FAM229A: variants seen among roughly 807,000 people sequenced by gnomAD.
The protein encoded by FAM229A is family with sequence similarity 229 member A, also known as protein FAM229A.
Under a neutral mutation model 10.0 loss-of-function variants are expected in FAM229A, and 9 were observed. The ratio of observed to expected loss-of-function variants is 0.90; its 90% CI spans 0.54 to 1.56. The LOEUF (loss-of-function observed/expected upper bound fraction) is 1.56. Among genes scored for constraint, FAM229A ranks in the 40% most tolerant of loss-of-function variants. FAM229A has a pLI of 0.00. For missense variants in FAM229A, 196 were observed against 197.6 expected (o/e 0.99, Z 0.05); for synonymous variants, 93 against 90.1 (o/e 1.03, Z -0.19).
intron 2 of FAM229A, 85 bp downstream of exon 2, chr1:32,361,645 G>A (rs1641703797): frequency 1.6e-6 from 2 of 1,252,270 alleles, no homozygotes; most frequent in South Asian, 2.5e-5. Flanking sequence ...ACGTGGATGC[G>A]GGGTCCTGAC....
chr1:32,361,881 G>A lies in FAM229A; in HGVS notation c.135-5C>T. 1 of 1,344,792 alleles carries A rather than the reference G, an allele frequency of 7.4e-7. No homozygotes were observed. The highest frequency in any genetic ancestry group is 9.5e-7 in the Non-Finnish European group (1 of 1,052,686). The allele number at this position is 1,344,792 out of a possible 1,614,324, so 83.3% of individuals were successfully genotyped here. ...ATGTCCAAGCCCCGGGGCGCTCTGC[G>A]CGGGGAGTGGCGGTCAGGCCTCTCC... On this transcript the variant is annotated splice_region_variant and splice_polypyrimidine_tract_variant and intron_variant, in intron 1 of 2. Coordinates refer to ENST00000432622, the MANE Select transcript of FAM229A (RefSeq NM_001167676.2).
chr1:32,361,711 G>A lies in FAM229A; in HGVS notation c.281+19C>T, dbSNP rs1641705055. 6.2e-6 allele frequency: 8 copies of A among 1,297,424 alleles called. No homozygotes were observed. The Admixed American group carries it at 3.3e-4, about 54-fold the overall frequency. The allele number at this position is 1,297,424 out of a possible 1,614,324, so 80.4% of individuals were successfully genotyped here. A position where few individuals can be genotyped will look rare whatever the true frequency, so the allele number is the denominator to read the frequency against. Reference sequence around the variant, plus strand: ...GGGCCGCGGGACGGGCGGAGGCGGGGGTGGGGCGCGGGCCTTACCTGACCG... The same window carrying A: ...GGGCCGCGGGACGGGCGGAGGCGGGAGTGGGGCGCGGGCCTTACCTGACCG... On this transcript the variant is annotated intron_variant, in intron 2 of 2. Coordinates refer to ENST00000432622, the MANE Select transcript of FAM229A (RefSeq NM_001167676.2).
Position 32,361,499 on chromosome 1 carries a change from C to T in FAM229A, c.318G>A (p.Thr106=). The change falls in exon 3 of 3, where the codon ACG becomes ACA. Residue 106 remains threonine (T), a synonymous_variant. Transcript: ENST00000432622. ...AGACGTCGATGGGCACGTGCAGCAGCGTCAGGCAGTGGCATCCAGGGCAGC... is the reference window on the plus strand; with the variant it reads ...AGACGTCGATGGGCACGTGCAGCAGTGTCAGGCAGTGGCATCCAGGGCAGC... ...LRRCPGCHCL[T]LLHVPIDVYL... is the part of the protein sequence containing the mutation. 6.5e-6 allele frequency: 9 copies of T among 1,376,060 alleles called. No homozygotes were observed. Among genetic ancestry groups the T allele is most frequent in the Non-Finnish European group, 8.5e-6 (9 of 1,064,416 alleles). 85.2% of individuals were successfully genotyped at this position (1,376,060 alleles called of 1,614,324 possible). A position where few individuals can be genotyped will look rare whatever the true frequency, so the allele number is the denominator to read the frequency against.
chr1:32,361,779 C>CG lies in FAM229A; in HGVS notation c.231dup (p.Glu78ArgfsTer84), dbSNP rs1359343543. The CG allele has an allele frequency of 6.8e-6, 9 of 1,322,994 alleles. No homozygotes were observed. The East Asian group carries it at 2.2e-4, about 32-fold the overall frequency. The allele number at this position is 1,322,994 out of a possible 1,614,324, so 82.0% of individuals were successfully genotyped here. ...ACCGCCTCCGGGCTGTCCTGGGACTCGGGGGCGGCGGCAAGGCCACGGGAG... is the reference window on the plus strand; with the variant it reads ...ACCGCCTCCGGGCTGTCCTGGGACTCGGGGGGCGGCGGCAAGGCCACGGGAG... On this transcript the variant is annotated frameshift_variant, in exon 2 of 3. Transcript: ENST00000432622. LOFTEE classifies it high-confidence loss of function.
chr1:32,361,931 G>C lies in FAM229A; in HGVS notation c.134+27C>G. On this transcript the variant is annotated intron_variant, in intron 1 of 2. Transcript: ENST00000432622. ...CCGGGTCGCCGGGCGCCGCCGCCTCGCGCCCGCCCCCTGGGCCGTCGCTCA... is the reference window on the plus strand; with the variant it reads ...CCGGGTCGCCGGGCGCCGCCGCCTCCCGCCCGCCCCCTGGGCCGTCGCTCA... 4 of 1,398,752 alleles carry C rather than the reference G, an allele frequency of 2.9e-6. No individual in the cohort carries two copies. The South Asian group carries it at 6.1e-5, about 21-fold the overall frequency. The allele number at this position is 1,398,752 out of a possible 1,614,324, so 86.6% of individuals were successfully genotyped here.
chr1:32,362,000 G>A lies in FAM229A; in HGVS notation c.92C>T (p.Pro31Leu), dbSNP rs57541735. The A allele has an allele frequency of 8.8e-6, 13 of 1,485,226 alleles. No homozygotes were observed. The highest frequency in any genetic ancestry group is 5.8e-5 in the East Asian group (2 of 34,380). 92.0% of individuals were successfully genotyped at this position (1,485,226 alleles called of 1,614,324 possible). Reference protein sequence around the residue: ...GPERSPAARAPAAASSLGPVS... With the variant: ...GPERSPAARALAAASSLGPVS... ...CGGTCCCAGGCTAGAAGCAGCTGCC[G>A]GAGCCCTGGCCGCGGGAGAACGCTC... The change falls in exon 1 of 3, where the codon CCG (proline) becomes CTG (leucine). Residue 31 changes from proline to leucine, a missense_variant. Coordinates refer to ENST00000432622, the MANE Select transcript of FAM229A (RefSeq NM_001167676.2).
At position 32,362,147 on chromosome 1, in the gene FAM229A, A is replaced by C; in HGVS notation, c.-56T>G. The C allele has an allele frequency of 1.5e-6, 2 of 1,309,576 alleles. No homozygotes were observed. Among genetic ancestry groups the C allele is most frequent in the Non-Finnish European group, 1.9e-6 (2 of 1,030,160 alleles). The allele number at this position is 1,309,576 out of a possible 1,614,324, so 81.1% of individuals were successfully genotyped here. ...CAGAGCACGTTCCTCCCACTGGAGA[A>C]CCCCCAACGGTGCCCCCTGCCGCCC... On this transcript the variant is annotated 5_prime_UTR_variant, in exon 1 of 3. Transcript: ENST00000432622.
At position 32,362,238 on chromosome 1, in the gene FAM229A, TCGCGCAGACCCCGGACACCCGAGGGGGG is replaced by T; in HGVS notation, c.-175_-148del. ...CTGGCCATGGCGCCTGGAGACGGGG[TCGCGCAGACCCCGGACACCCGAGGGGGG>T]CGCAGCAGGCCAGGGCAACCCGCCG... On this transcript the variant is annotated 5_prime_UTR_variant, in exon 1 of 3. It removes the in-frame stop codon of an upstream open reading frame in the 5' UTR. Transcript: ENST00000432622. The T allele has an allele frequency of 8.8e-7, 1 of 1,139,774 alleles. No homozygotes were observed. The allele number at this position is 1,139,774 out of a possible 1,614,324, so 70.6% of individuals were successfully genotyped here. A position where few individuals can be genotyped will look rare whatever the true frequency, so the allele number is the denominator to read the frequency against.
Position 32,361,385 on chromosome 1 carries a change from G to A in FAM229A, c.*48C>T, listed in dbSNP as rs1054764. The A allele has an allele frequency of 1.8e-6, 2 of 1,096,982 alleles. No individual in the cohort carries two copies. The highest frequency in any genetic ancestry group is 2.4e-6 in the Non-Finnish European group (2 of 850,522). 68.0% of individuals were successfully genotyped at this position (1,096,982 alleles called of 1,614,324 possible). ...GACCTCAGCGTGGTGGCCCGCTGGGGGCCTCGTTCCCGCCCAGCTCCCGCG... is the reference window on the plus strand; with the variant it reads ...GACCTCAGCGTGGTGGCCCGCTGGGAGCCTCGTTCCCGCCCAGCTCCCGCG... On this transcript the variant is annotated 3_prime_UTR_variant, in exon 3 of 3. Transcript: ENST00000432622.
Position 32,362,323 on chromosome 1 carries a change from T to G in FAM229A, c.-232A>C. The G allele has an allele frequency of 5.9e-6, 3 of 508,310 alleles. No homozygotes were observed. The highest frequency in any genetic ancestry group is 9.5e-6 in the Non-Finnish European group (3 of 315,214). 31.5% of individuals were successfully genotyped at this position (508,310 alleles called of 1,614,324 possible). On this transcript the variant is annotated 5_prime_UTR_variant, in exon 1 of 3. An upstream start codon of the reference 5' UTR is lost. Transcript: ENST00000432622. The stretch of plus-strand genomic sequence containing the variant: ...GGCGTCCACGCCGAGGAGCCGCGCA[T>G]TCCCGGTCCACACAGACGCGGCGGA...
At position 32,362,237 on chromosome 1, in the gene FAM229A, G is replaced by T; in HGVS notation, c.-146C>A. ...TCTGGCCATGGCGCCTGGAGACGGGGTCGCGCAGACCCCGGACACCCGAGG... is the reference window on the plus strand; with the variant it reads ...TCTGGCCATGGCGCCTGGAGACGGGTTCGCGCAGACCCCGGACACCCGAGG... On this transcript the variant is annotated 5_prime_UTR_variant, in exon 1 of 3. Transcript: ENST00000432622. The T allele has an allele frequency of 4.3e-6, 5 of 1,155,802 alleles. No homozygotes were observed. The highest frequency in any genetic ancestry group is 4.4e-6 in the Non-Finnish European group (4 of 904,884). The allele number at this position is 1,155,802 out of a possible 1,614,324, so 71.6% of individuals were successfully genotyped here.
rs1189095586 is a variant in FAM229A, at chr1:32,362,260, AG to A, written c.-170del. The A allele has an allele frequency of 8.1e-6, 8 of 984,574 alleles. No individual in the cohort carries two copies. In the East Asian group the frequency reaches 2.6e-4, roughly 32 times the overall value. The allele number at this position is 984,574 out of a possible 1,614,324, so 61.0% of individuals were successfully genotyped here. On this transcript the variant is annotated 5_prime_UTR_variant, in exon 1 of 3. An upstream open reading frame in the 5' UTR loses its in-frame stop. Coordinates refer to ENST00000432622, the MANE Select transcript of FAM229A (RefSeq NM_001167676.2). ...GGGTCGCGCAGACCCCGGACACCCG[AG>A]GGGGGCGCAGCAGGCCAGGGCAACC...
chr1:32,361,485 G>T lies in FAM229A; in HGVS notation c.332C>A (p.Pro111His). The T allele has an allele frequency of 1.4e-6, 2 of 1,384,336 alleles. No individual in the cohort carries two copies. Among genetic ancestry groups the T allele is most frequent in the South Asian group, 1.5e-5 (1 of 65,216 alleles). 85.8% of individuals were successfully genotyped at this position (1,384,336 alleles called of 1,614,324 possible). ...GCCCATGGCGAGGTAGACGTCGATG[G>T]GCACGTGCAGCAGCGTCAGGCAGTG... ...GCHCLTLLHV[P>H]IDVYLAMGGS... is the part of the protein sequence containing the mutation. Residue 111 changes from proline (P) to histidine (H), a missense_variant, in exon 3 of 3, where the codon CCC (proline) becomes CAC (histidine). Transcript: ENST00000432622.
At chr1:32,361,684 CG>C in intron 2 of FAM229A, 45 bp downstream of exon 2, 1 of 1,018,692 alleles carries the variant, frequency 9.8e-7, no homozygotes, top group South Asian at 3.1e-5. Context: ...GGACGGAGGG[CG>C]GGGCCGCGGG....
chr1:32,361,840 G>C lies in FAM229A; in HGVS notation c.171C>G (p.Pro57=). ...PRGLDMSAQE[P]PQGRRFPIEA... is the part of the protein sequence containing the mutation. ...CAATGGGGAATCTCCGACCCTGCGG[G>C]GGCTCCTGGGCGCTCATGTCCAAGC... Residue 57 remains proline (P), a synonymous_variant, in exon 2 of 3, where the codon CCC becomes CCG. Coordinates refer to ENST00000432622, the MANE Select transcript of FAM229A (RefSeq NM_001167676.2). 1 of 1,335,622 alleles carries C rather than the reference G, an allele frequency of 7.5e-7. No homozygotes were observed. Among genetic ancestry groups the C allele is most frequent in the Non-Finnish European group, 9.6e-7 (1 of 1,046,718 alleles). The allele number at this position is 1,335,622 out of a possible 1,614,324, so 82.7% of individuals were successfully genotyped here.
Position 32,362,429 on chromosome 1 carries a change from T to C in FAM229A, c.-338A>G. 1 of 492,600 alleles carries C rather than the reference T, an allele frequency of 2.0e-6. No individual in the cohort carries two copies. Among genetic ancestry groups the C allele is most frequent in the Non-Finnish European group, 3.5e-6 (1 of 282,698 alleles). The allele number at this position is 492,600 out of a possible 1,614,324, so 30.5% of individuals were successfully genotyped here. On this transcript the variant is annotated 5_prime_UTR_variant, in exon 1 of 3. Coordinates refer to ENST00000432622, the MANE Select transcript of FAM229A (RefSeq NM_001167676.2). ...GTGACTTAATCCGGGCTGAGTTTGG[T>C]GGTGGTAGTGAGGGCAGGTAGGGGC...
Position 32,362,362 on chromosome 1 carries a change from C to T in FAM229A, c.-271G>A. The T allele has an allele frequency of 2.1e-6, 1 of 468,628 alleles. No individual in the cohort carries two copies. 29.0% of individuals were successfully genotyped at this position (468,628 alleles called of 1,614,324 possible). A position where few individuals can be genotyped will look rare whatever the true frequency, so the allele number is the denominator to read the frequency against. On this transcript the variant is annotated 5_prime_UTR_variant, in exon 1 of 3. Coordinates refer to ENST00000432622, the MANE Select transcript of FAM229A (RefSeq NM_001167676.2). ...AGACGCGGCGGAGCGCCCTCCCAGG[C>T]GGGACTACAACTCAATGCCTGGCAC...
chr1:32,361,619 G>A lies in FAM229A; in HGVS notation c.282-84C>T, dbSNP rs915623266. The A allele has an allele frequency of 6.4e-6, 8 of 1,246,810 alleles. No homozygotes were observed. In the African/African-American group the frequency reaches 1.1e-4, roughly 17 times the overall value. The allele number at this position is 1,246,810 out of a possible 1,614,324, so 77.2% of individuals were successfully genotyped here. ...GGCGCACCCAGGGAGTGCACCTGGG[G>A]TCCCCGGGGGTCCGGACGTGGATGC... On this transcript the variant is annotated intron_variant, in intron 2 of 2. Coordinates refer to ENST00000432622, the MANE Select transcript of FAM229A (RefSeq NM_001167676.2).
Position 32,361,963 on chromosome 1 carries a change from G to A in FAM229A, c.129C>T (p.Ala43=). ...AASSLGPVST[A]GRAPRGLDMS... ...CCCCCTGGGCCGTCGCTCACCTCCC[G>A]GCGGTTGAGACCGGTCCCAGGCTAG... The change falls in exon 1 of 3, where the codon GCC becomes GCT. Residue 43 remains alanine, a synonymous_variant. Coordinates refer to ENST00000432622, the MANE Select transcript of FAM229A (RefSeq NM_001167676.2). 6.8e-7 allele frequency: 1 copy of A among 1,472,608 alleles called. No homozygotes were observed. The highest frequency in any genetic ancestry group is 1.3e-5 in the South Asian group (1 of 77,732). The allele number at this position is 1,472,608 out of a possible 1,614,324, so 91.2% of individuals were successfully genotyped here.
Sources: gnomAD v4.1 joint callset for allele counts on GRCh38, gnomAD v4.1.1 for gene constraint, MANE v1.5 for transcripts, NCBI Gene and HGNC (gene_info 2026-07-23, HGNC 2026-07-21) for gene names.